NCKAP5: variants seen among roughly 807,000 people sequenced by gnomAD.
NCKAP5 encodes NCK associated protein 5, also known as nck-associated protein 5.
NCKAP5 carries 92 observed loss-of-function variants against 167.0 expected under a neutral mutation model. The ratio of observed to expected loss-of-function variants is 0.55; its 90% CI spans 0.47 to 0.66. NCKAP5 has a LOEUF of 0.66. Ranked by LOEUF, NCKAP5 falls within the 30% of genes least tolerant of loss-of-function variation. The pLI, the probability that NCKAP5 is intolerant of heterozygous loss-of-function variation, is 0.00. For synonymous variants in NCKAP5, 891 were observed against 877.4 expected, an observed-to-expected ratio of 1.02 and a Z score of -0.27; for missense variants, 2,378 against 2,315.0, an observed-to-expected ratio of 1.03 and a Z score of -0.56.
At chr2:133,608,787 G>A in the NCKAP5 span, among the ~76,000 whole-genome samples, 18 of 152,190 alleles carry the variant, frequency 1.2e-4, 1 homozygote, top group African/African-American at 4.3e-4. Context: ...GTTCAATTGT[G>A]TAACTTTCCT....
At chr2:132,713,937 T>C (rs539925603) in intron 19 of NCKAP5, among the ~76,000 whole-genome samples, 1 of 152,272 alleles carries the variant, frequency 6.6e-6, no homozygotes, top group East Asian at 1.9e-4. Context: ...AGTGTGTTGA[T>C]TTATTCATTT....
At chr2:132,754,760 A>G (rs1680395083) in intron 16 of NCKAP5, among the ~76,000 whole-genome samples, 1 of 152,252 alleles carries the variant, frequency 6.6e-6, no homozygotes, top group Admixed American at 6.5e-5. Flanking sequence ...ATCTATAGAC[A>G]TCAAGTCTTT....
At chr2:133,424,546 A>G (rs1430927130) in intron 3 of NCKAP5, among the ~76,000 whole-genome samples, 1 of 152,238 alleles carries the variant, frequency 6.6e-6, no homozygotes, top group Non-Finnish European at 1.5e-5. Flanking sequence ...AAAAATTGTG[A>G]TGTGAAAAAT....
At chr2:133,437,542 T>A (rs995551945) in intron 3 of NCKAP5, among the ~76,000 whole-genome samples, 2 of 152,174 alleles carry the variant, frequency 1.3e-5, no homozygotes, top group Non-Finnish European at 2.9e-5. Flanking sequence ...AGCTGAATAT[T>A]ACTTTTTGTA....
chr2:133,225,067 A>G (rs2086821826), intron 4 of NCKAP5, among the ~76,000 whole-genome samples: 1 of 152,182 alleles, frequency 6.6e-6, no homozygotes, highest in South Asian at 2.1e-4. Context: ...TCTTCTTTAA[A>G]TTTTAAAATT....
At chr2:133,586,929 A>G in the NCKAP5 span, among the ~76,000 whole-genome samples, 1 of 152,304 alleles carries the variant, frequency 6.6e-6, no homozygotes, top group East Asian at 1.9e-4. Context: ...AACACTAAGC[A>G]GGCAAAATAA....
chr2:133,006,370 A>G (rs1031095775), intron 6 of NCKAP5, among the ~76,000 whole-genome samples: 3 of 152,244 alleles, frequency 2.0e-5, no homozygotes, highest in Non-Finnish European at 2.9e-5. Flanking sequence ...TGCCAAATGT[A>G]GCTCACTTTG....
At chr2:132,983,149 A>T (rs2077189872) in intron 7 of NCKAP5, among the ~76,000 whole-genome samples, 1 of 152,150 alleles carries the variant, frequency 6.6e-6, no homozygotes, top group Non-Finnish European at 1.5e-5. Flanking sequence ...ATTTTTGTAC[A>T]TTGATTTCAT....
intron 6 of NCKAP5, among the ~76,000 whole-genome samples, chr2:133,070,598 C>G (rs1171570118): frequency 6.6e-6 from 1 of 152,174 alleles, no homozygotes; most frequent in Non-Finnish European, 1.5e-5. Context: ...CCTCTAACTT[C>G]AGAGGACAGC....
At chr2:132,888,651 G>A (rs1692442956) in intron 8 of NCKAP5, among the ~76,000 whole-genome samples, 1 of 152,076 alleles carries the variant, frequency 6.6e-6, no homozygotes, top group Admixed American at 6.6e-5. Flanking sequence ...TCAGCCTCCC[G>A]AAGTGCTGGG....
At chr2:133,197,808 T>G (rs1330071516) in intron 5 of NCKAP5, among the ~76,000 whole-genome samples, 2 of 151,884 alleles carry the variant, frequency 1.3e-5, no homozygotes, top group Non-Finnish European at 2.9e-5. Context: ...CAATTAGCCA[T>G]GTTTTGTGGT....
intron 16 of NCKAP5, among the ~76,000 whole-genome samples, chr2:132,740,240 C>T (rs1314244385): frequency 6.6e-6 from 1 of 152,178 alleles, no homozygotes; most frequent in East Asian, 1.9e-4. Context: ...AAGAGTGACT[C>T]ATGGGTGTTT....
chr2:132,895,816 C>CAAAAAAAAAAAAAAAAAAAAAAAAAAAAA (rs59012786), intron 8 of NCKAP5, among the ~76,000 whole-genome samples: 3 of 105,252 alleles, frequency 2.9e-5, no homozygotes, highest in South Asian at 3.3e-4. Context: ...GAGAAGGACT[C>CAAAAAAAAAAAAAAAAAAAAAAAAAAAAA]AAAAAAAAAA....
At chr2:132,748,192 C>G (rs977828363) in intron 16 of NCKAP5, among the ~76,000 whole-genome samples, 2 of 152,184 alleles carry the variant, frequency 1.3e-5, no homozygotes, top group African/African-American at 4.8e-5. Context: ...CCACACACTC[C>G]CATGTCTAAG....
rs865787342 is a variant in NCKAP5 at position 133,388,786 on chromosome 2, T to C, written c.70-85676A>G. Among the ~76,000 whole-genome samples, 15 of 152,364 alleles carry C rather than the reference T, an allele frequency of 9.8e-5. No homozygotes were observed. In the South Asian group the frequency reaches 1.2e-3, roughly 13 times the overall value. ...GCCACCTTGCAGTTTGATCTCAGAC[T>C]GCTGTGCTAGCAATGAGCAAGGCTG... On this transcript the variant is annotated intron_variant, in intron 3 of 19. Transcript: ENST00000409261.
intron 5 of NCKAP5, among the ~76,000 whole-genome samples, chr2:133,175,128 T>G (rs1574273614): frequency 6.6e-6 from 1 of 152,358 alleles, no homozygotes; most frequent in East Asian, 1.9e-4. Context: ...GAACTTTTTT[T>G]TCATATGCCC....
chr2:132,804,017 C>CT (rs1433070487), intron 11 of NCKAP5, among the ~76,000 whole-genome samples: 2 of 152,296 alleles, frequency 1.3e-5, no homozygotes, highest in East Asian at 3.9e-4. Context: ...GCAAAGGGAA[C>CT]TTAGCTCTTC....
At position 133,324,458 on chromosome 2, in the gene NCKAP5, C is replaced by T. The variant is rs79267635; in HGVS notation, c.70-21348G>A. 3.6e-3 allele frequency among the ~76,000 whole-genome samples: 544 copies of T among 152,262 alleles called. 3 individuals are homozygous for T. The highest frequency in any genetic ancestry group is 0.013 in the African/African-American group (522 of 41,528). On this transcript the variant is annotated intron_variant, in intron 3 of 19. Coordinates refer to ENST00000409261, the MANE Select transcript of NCKAP5 (RefSeq NM_207363.3). ...TGGCTGCTGAGTCAGACAGAATAGC[C>T]GGAAAGACTTTGGGAAACCTCAGCC...
chr2:133,163,374 A>G (rs920440584), intron 5 of NCKAP5, among the ~76,000 whole-genome samples: 1 of 152,216 alleles, frequency 6.6e-6, no homozygotes, highest in African/African-American at 2.4e-5. Context: ...TGTCATTGGA[A>G]TCTAAGCCTT....
Sources: allele counts gnomAD v4.1 joint callset (sites outside exome capture counted in the v4.1 genomes callset), GRCh38; gene constraint gnomAD v4.1.1; transcripts MANE v1.5; gene names NCBI Gene and HGNC (gene_info 2026-07-23, HGNC 2026-07-21).